Variants in AFF1 observed in about 807,000 individuals in gnomAD.
AFF1 encodes AF4/FMR2 family member 1.
Under a neutral mutation model 121.7 loss-of-function variants are expected in AFF1, and 48 were observed. The observed-to-expected ratio is 0.39, with a 90% CI of 0.31 to 0.50. AFF1 has a LOEUF of 0.50. Ranked by LOEUF, AFF1 falls within the 20% of genes least tolerant of loss-of-function variation. The probability of loss-of-function intolerance (pLI) is 0.76; values close to 1 mark genes in which losing one functional copy is unlikely to be tolerated. For synonymous variants in AFF1, 613 were observed against 563.0 expected (o/e 1.09, Z -1.26); for missense variants, 1,523 against 1,511.7 (o/e 1.01, Z -0.12).
In AFF1 at chr4:87,127,176, A is replaced by G. The variant is rs112453934; in HGVS notation, c.2903+59A>G. 152 of 907,954 alleles carry G rather than the reference A, an allele frequency of 1.7e-4. 10 individuals are homozygous for G. Among genetic ancestry groups the G allele is most frequent in the African/African-American group, 5.0e-4 (23 of 45,652 alleles). 56.2% of individuals were successfully genotyped at this position (907,954 alleles called of 1,614,324 possible). ...TTGTTTTGTTTTGCTTCCCCCCCCC[A>G]CCAAGATAGAGTCTCACTCTGTCAC... On this transcript the variant is annotated intron_variant, in intron 15 of 20. Coordinates refer to ENST00000395146, the MANE Select transcript of AFF1 (RefSeq NM_001166693.3).
At chr4:87,085,356 C>T (rs1640678887) in intron 5 of AFF1, among the ~76,000 whole-genome samples, 1 of 151,062 alleles carries the variant, frequency 6.6e-6, no homozygotes, top group African/African-American at 2.4e-5. Context: ...TTTTTTATCC[C>T]TCTTCTGTGG....
intron 2 of AFF1, chr4:87,007,187 C>T: frequency 7.2e-7 from 1 of 1,382,796 alleles, no homozygotes; most frequent in African/African-American, 1.5e-5. Flanking sequence ...GGCCCCAGTG[C>T]CCGGATGTCC....
intron 2 of AFF1, among the ~76,000 whole-genome samples, chr4:86,973,279 G>C (rs1465534514): frequency 6.6e-6 from 1 of 151,378 alleles, no homozygotes; most frequent in East Asian, 1.9e-4. Flanking sequence ...GGAGAGACCA[G>C]TTTGGTTGGA....
rs1207332524 is a variant in AFF1, at chr4:86,948,562, G to A, written c.29G>A (p.Ser10Asn). MAFTERVNS[S>N]GNSLYNDDRN... ...GCATTTACAGAAAGAGTCAACAGCA[G>A]TGGCAACAGGTAAGCATAGAATCTA... Residue 10 changes from serine (S) to asparagine (N), a missense_variant, in exon 2 of 21, where the codon AGT (serine) becomes AAT (asparagine). Ser to Asn is a conservative substitution (Grantham distance 46). Transcript: ENST00000395146. The A allele has an allele frequency of 5.9e-6, 9 of 1,536,824 alleles. No individual in the cohort carries two copies. In the East Asian group the frequency reaches 7.3e-5, roughly 13 times the overall value.
chr4:86,935,927 C>G (rs901239145), intron 1 of AFF1: 3 of 152,308 alleles, frequency 2.0e-5, no homozygotes, highest in Admixed American at 1.3e-4. Flanking sequence ...TCCGACGGTG[C>G]GAGCGCCGGA....
chr4:87,128,900 T>G (rs549618859), intron 16 of AFF1, among the ~76,000 whole-genome samples: 1 of 152,362 alleles, frequency 6.6e-6, no homozygotes, highest in East Asian at 1.9e-4. Context: ...ACTGGAACTG[T>G]ATGAATCTTT....
intron 2 of AFF1, among the ~76,000 whole-genome samples, chr4:86,952,947 C>T: frequency 6.8e-6 from 1 of 146,886 alleles, no homozygotes. Flanking sequence ...CCTTGTGTTC[C>T]CCTCCACCCC....
At chr4:87,094,431 G>A in intron 7 of AFF1, among the ~76,000 whole-genome samples, 1 of 152,186 alleles carries the variant, frequency 6.6e-6, no homozygotes, top group South Asian at 2.1e-4. Context: ...TATCTATGAG[G>A]TAGTCTATAA....
chr4:87,005,233 C>T (rs1479394508), intron 2 of AFF1, among the ~76,000 whole-genome samples: 1 of 152,220 alleles, frequency 6.6e-6, no homozygotes, highest in Non-Finnish European at 1.5e-5. Flanking sequence ...CCTGCCTTAG[C>T]CTCCCAAAGT....
chr4:87,126,412 C>G, intron 14 of AFF1, 76 bp downstream of exon 14: 3 of 1,373,422 alleles, frequency 2.2e-6, no homozygotes, highest in Non-Finnish European at 3.1e-6. Flanking sequence ...AGACAAGTTG[C>G]TAGTGATGGC....
chr4:87,041,331 GGCT>G (rs1730124010), intron 2 of AFF1, among the ~76,000 whole-genome samples: 1 of 152,212 alleles, frequency 6.6e-6, no homozygotes, highest in South Asian at 2.1e-4. Context: ...TCCTTGGCCA[GGCT>G]GCTGCTGCTG....
chr4:86,940,135 C>G (rs914039821), intron 1 of AFF1, among the ~76,000 whole-genome samples: 5 of 152,148 alleles, frequency 3.3e-5, no homozygotes, highest in African/African-American at 1.2e-4. Context: ...GCCTGGGCAA[C>G]AAAGTGAGAC....
intron 1 of AFF1, among the ~76,000 whole-genome samples, chr4:86,939,525 G>A (rs946670158): frequency 2.0e-5 from 3 of 152,146 alleles, no homozygotes; most frequent in African/African-American, 7.2e-5. Context: ...TAACAGACAC[G>A]TGGTGTTTAT....
At chr4:87,049,126 T>A in intron 4 of AFF1, among the ~76,000 whole-genome samples, 1 of 142,882 alleles carries the variant, frequency 7.0e-6, no homozygotes. Flanking sequence ...ACATTCTTTC[T>A]AAAAATAACA....
At chr4:87,005,018 TTTTG>T (rs1447203954) in intron 2 of AFF1, among the ~76,000 whole-genome samples, 1 of 152,220 alleles carries the variant, frequency 6.6e-6, no homozygotes, top group Admixed American at 6.5e-5. Context: ...TGATTTTGGT[TTTTG>T]TTTGAGAGAG....
chr4:87,040,736 A>AT (rs1730052463), intron 2 of AFF1, among the ~76,000 whole-genome samples: 1 of 150,600 alleles, frequency 6.6e-6, no homozygotes, highest in Non-Finnish European at 1.5e-5. Flanking sequence ...CACCCAGCTA[A>AT]TTTTTTGTAT....
intron 2 of AFF1, among the ~76,000 whole-genome samples, chr4:87,023,108 TTTG>T (rs2149565695): frequency 6.6e-6 from 1 of 152,168 alleles, no homozygotes; most frequent in African/African-American, 2.4e-5. Context: ...GGGGTCTTTC[TTTG>T]TTGTTCAGGC....
At chr4:87,007,445 A>G in intron 2 of AFF1, 1 of 1,613,880 alleles carries the variant, frequency 6.2e-7, no homozygotes, top group Non-Finnish European at 8.5e-7. Flanking sequence ...CACCGGAGAA[A>G]CTTTTCAAAC....
At chr4:86,964,093 C>T (rs1361325445) in intron 2 of AFF1, among the ~76,000 whole-genome samples, 10 of 150,016 alleles carry the variant, frequency 6.7e-5, no homozygotes, top group Admixed American at 2.7e-4. Flanking sequence ...GCTGGGATTA[C>T]AGGCATGAAC....
Sources: allele counts gnomAD v4.1 joint callset (sites outside exome capture counted in the v4.1 genomes callset), GRCh38; gene constraint gnomAD v4.1.1; transcripts MANE v1.5; gene names NCBI Gene and HGNC (gene_info 2026-07-23, HGNC 2026-07-21).